NLGN2: variants seen among roughly 807,000 people sequenced by gnomAD.
NLGN2 encodes neuroligin 2.
NLGN2 carries 11 observed loss-of-function variants against 48.6 expected under a neutral mutation model. That is an observed-to-expected ratio of 0.23 (90% confidence interval 0.14 to 0.37). The LOEUF (loss-of-function observed/expected upper bound fraction) is 0.37. Ranked by LOEUF, NLGN2 falls within the 10% of genes least tolerant of loss-of-function variation. The pLI, the probability that NLGN2 is intolerant of heterozygous loss-of-function variation, is 1.00. For missense variants in NLGN2, 801 were observed against 1,225.2 expected (o/e 0.65, Z 5.17); for synonymous variants, 548 against 550.0 (o/e 1.00, Z 0.05).
chr17:7,417,257 GA>G lies in NLGN2; in HGVS notation c.1967del (p.Glu656GlyfsTer21). 1 of 1,557,632 alleles carries G rather than the reference GA, an allele frequency of 6.4e-7. No individual in the cohort carries two copies. The highest frequency in any genetic ancestry group is 8.7e-7 in the Non-Finnish European group (1 of 1,155,032). Reference protein sequence around the residue: ...PATLPPEPEPEPGPRAYDRFP... With the variant: ...PATLPPEPEPXPGPRAYDRFP... Reference sequence around the variant, plus strand: ...CACCCTGCCTCCCGAGCCCGAGCCCGAGCCCGGCCCAAGGGCCTATGACCGC... The same window carrying G: ...CACCCTGCCTCCCGAGCCCGAGCCCGGCCCGGCCCAAGGGCCTATGACCGC... On this transcript the variant is annotated frameshift_variant, in exon 7 of 7. Coordinates refer to ENST00000302926, the MANE Select transcript of NLGN2 (RefSeq NM_020795.4). LOFTEE classifies it low-confidence loss of function (END_TRUNC).
chr17:7,413,390 A>G lies in NLGN2; in HGVS notation c.509-954A>G, dbSNP rs150702956. Among the ~76,000 whole-genome samples the G allele has an allele frequency of 7.0e-3, 1,068 of 152,294 alleles. 10 individuals are homozygous for G. The highest frequency in any genetic ancestry group is 0.034 in the Middle Eastern group (10 of 294). On this transcript the variant is annotated intron_variant, in intron 2 of 6. Transcript: ENST00000302926. This position sits in a 1 kb window ranked among gnomAD's most constrained non-coding sequence, Gnocchi z 4.9. ...CCTGGCTTTGGTTTGCTGAGTATCCAGGCTAGCAGGGAGGGCCAGTGTCAA... is the reference window on the plus strand; with the variant it reads ...CCTGGCTTTGGTTTGCTGAGTATCCGGGCTAGCAGGGAGGGCCAGTGTCAA...
At chr17:7,407,498 C>T (rs1306092270), upstream of NLGN2, among the ~76,000 whole-genome samples, 1 of 152,146 alleles carries the variant, frequency 6.6e-6, no homozygotes, top group Non-Finnish European at 1.5e-5. Context: ...GGGGGTTCAG[C>T]GCCATGAAAT....
intron 2 of NLGN2, among the ~76,000 whole-genome samples, chr17:7,414,085 T>C (rs901016814): frequency 2.0e-5 from 3 of 151,688 alleles, no homozygotes; most frequent in African/African-American, 7.3e-5. Flanking sequence ...ACCCCCAGCC[T>C]CTACGGGGTT....
rs1262633626 is a variant in NLGN2 at position 7,417,601 on chromosome 17, C to A, written c.2310C>A (p.Thr770=). 2.1e-6 allele frequency: 3 copies of A among 1,425,664 alleles called. No individual in the cohort carries two copies. Among genetic ancestry groups the A allele is most frequent in the Admixed American group, 5.7e-5 (2 of 35,396 alleles). The allele number at this position is 1,425,664 out of a possible 1,614,324, so 88.3% of individuals were successfully genotyped here. ...GCCCTGCCTGCCCGCCCGACTACAC[C>A]CTGGCCCTGCGCCGGGCACCGGACG... ...ALRPACPPDY[T]LALRRAPDDV... is the part of the protein sequence containing the mutation. The change falls in exon 7 of 7, where the codon ACC becomes ACA. Residue 770 remains threonine, a synonymous_variant. Coordinates refer to ENST00000302926, the MANE Select transcript of NLGN2 (RefSeq NM_020795.4).
At position 7,411,977 on chromosome 17, in the gene NLGN2, T is replaced by C. The variant is rs925316859; in HGVS notation, c.458-180T>C. The stretch of plus-strand genomic sequence containing the variant: ...ATTGGGTTGTAGAAACGTTTTTCTC[T>C]TTTCTTGGTTTCTTTTTCTTGCAAA... On this transcript the variant is annotated intron_variant, in intron 1 of 6. Transcript: ENST00000302926. This position sits in a 1 kb window ranked among gnomAD's most constrained non-coding sequence, Gnocchi z 4.5. Among the ~76,000 whole-genome samples the C allele has an allele frequency of 2.0e-5, 3 of 150,568 alleles. No individual in the cohort carries two copies. The highest frequency in any genetic ancestry group is 3.0e-5 in the Non-Finnish European group (2 of 67,678).
At position 7,418,485 on chromosome 17, in the gene NLGN2, G is replaced by A. The variant is rs1391288090; in HGVS notation, c.*686G>A. On this transcript the variant is annotated 3_prime_UTR_variant, in exon 7 of 7. Coordinates refer to ENST00000302926, the MANE Select transcript of NLGN2 (RefSeq NM_020795.4). ...GACACAGATTTCCTGCTGGGGGAGG[G>A]AGGAGTCCACGCATCCTGATGCTGC... is the stretch of plus-strand genomic sequence containing the variant. The A allele has an allele frequency of 6.6e-6, 1 of 152,278 alleles. No homozygotes were observed. The highest frequency in any genetic ancestry group is 1.5e-5 in the Non-Finnish European group (1 of 68,092). 9.4% of individuals were successfully genotyped at this position (152,278 alleles called of 1,614,324 possible). A position where few individuals can be genotyped will look rare whatever the true frequency, so the allele number is the denominator to read the frequency against.
Position 7,417,257 on chromosome 17 carries a change from G to C in NLGN2, c.1966G>C (p.Glu656Gln). 6.4e-7 allele frequency: 1 copy of C among 1,557,652 alleles called. No individual in the cohort carries two copies. ...PATLPPEPEP[E>Q]PGPRAYDRFP... ...CACCCTGCCTCCCGAGCCCGAGCCCGAGCCCGGCCCAAGGGCCTATGACCG... is the reference window on the plus strand; with the variant it reads ...CACCCTGCCTCCCGAGCCCGAGCCCCAGCCCGGCCCAAGGGCCTATGACCG... The change falls in exon 7 of 7, where the codon GAG (glutamate) becomes CAG (glutamine). Residue 656 changes from glutamate to glutamine, a missense_variant. Transcript: ENST00000302926.
chr17:7,414,492 C>A lies in NLGN2; in HGVS notation c.657C>A (p.Leu219=). 1 of 1,612,224 alleles carries A rather than the reference C, an allele frequency of 6.2e-7. No homozygotes were observed. Among genetic ancestry groups the A allele is most frequent in the South Asian group, 1.1e-5 (1 of 91,056 alleles). Residue 219 remains leucine (L), a splice_region_variant and synonymous_variant, in exon 3 of 7, where the codon CTC becomes CTA. Coordinates refer to ENST00000302926, the MANE Select transcript of NLGN2 (RefSeq NM_020795.4). ...VATLNYRLGV[L]GFLSTGDQAA... ...CGCTCAACTACCGTCTTGGGGTGCT[C>A]GGTGAGGGTGGGCAGCCAACTCTGG...
In NLGN2 at chr17:7,414,436, C is replaced by T. The variant is rs543645280; in HGVS notation, c.601C>T (p.Leu201=). 2.7e-5 allele frequency: 43 copies of T among 1,614,162 alleles called. No homozygotes were observed. In the East Asian group the frequency reaches 8.9e-4, roughly 33 times the overall value. Residue 201 remains leucine, a synonymous_variant, in exon 3 of 7, where the codon CTG becomes TTG. Coordinates refer to ENST00000302926, the MANE Select transcript of NLGN2 (RefSeq NM_020795.4). ...CGGAAACATGTTCGATGGCTCAGTC[C>T]TGGCTGCCTATGGCAACGTCATTGT... ...GTGNMFDGSV[L]AAYGNVIVAT...
chr17:7,404,842 T>G (rs1906548804), upstream of NLGN2: 2 of 151,812 alleles, frequency 1.3e-5, no homozygotes, highest in African/African-American at 4.8e-5. Flanking sequence ...CGCCGCTCTC[T>G]CGGCAGGGGG....
intron 1 of NLGN2, among the ~76,000 whole-genome samples, chr17:7,410,519 T>C (rs1435772853): frequency 6.6e-6 from 1 of 151,774 alleles, no homozygotes; most frequent in Non-Finnish European, 1.5e-5. Flanking sequence ...AGCACCTCCA[T>C]GTGGGCTGCC....
upstream of NLGN2, among the ~76,000 whole-genome samples, chr17:7,405,999 G>C (rs1248261719): frequency 6.6e-6 from 1 of 152,170 alleles, no homozygotes; most frequent in Non-Finnish European, 1.5e-5. The surrounding 1 kb of genome is among the most constrained non-coding windows in gnomAD (Gnocchi z 6.8). Flanking sequence ...AGAAGGAGGA[G>C]GGAGCAAGAT....
In NLGN2 at chr17:7,418,010, T is replaced by TG; in HGVS notation, c.*217dup. ...CTCTGGATCTGGGCCTTTGAACAAC[T>TG]GGGGGGCGTTTTCTCCCCCCCATTG... is the stretch of plus-strand genomic sequence containing the variant. On this transcript the variant is annotated 3_prime_UTR_variant, in exon 7 of 7. Transcript: ENST00000302926. The TG allele has an allele frequency of 2.7e-6, 1 of 371,394 alleles. No individual in the cohort carries two copies. The allele number at this position is 371,394 out of a possible 1,614,324, so 23.0% of individuals were successfully genotyped here.
At chr17:7,416,236 T>A in intron 6 of NLGN2, 129 bp downstream of exon 6, 1 of 734,474 alleles carries the variant, frequency 1.4e-6, no homozygotes, top group South Asian at 1.6e-5. Flanking sequence ...GACACCTCTG[T>A]GCCAGGCACG....
rs939754729 is a variant in NLGN2 at position 7,418,345 on chromosome 17, G to C, written c.*546G>C. 6.6e-6 allele frequency: 1 copy of C among 151,990 alleles called. No homozygotes were observed. Among genetic ancestry groups the C allele is most frequent in the African/African-American group, 2.4e-5 (1 of 41,270 alleles). 9.4% of individuals were successfully genotyped at this position (151,990 alleles called of 1,614,324 possible). On this transcript the variant is annotated 3_prime_UTR_variant, in exon 7 of 7. Transcript: ENST00000302926. ...GCAGCGAGGAAATCACAGCCCCCTCGCCCCTGCCTCCCTTGCCCCTACCCC... is the reference window on the plus strand; with the variant it reads ...GCAGCGAGGAAATCACAGCCCCCTCCCCCCTGCCTCCCTTGCCCCTACCCC...
In NLGN2 at chr17:7,417,257, G is replaced by A. The variant is rs753026024; in HGVS notation, c.1966G>A (p.Glu656Lys). Residue 656 changes from glutamate (E) to lysine (K), a missense_variant, in exon 7 of 7, where the codon GAG (glutamate) becomes AAG (lysine). By Grantham distance (56) the Glu-to-Lys change is moderately conservative (BLOSUM62 1). Around this residue, in one of 5 missense-constraint regions of NLGN2, gnomAD observed 276 missense variants for 313.9 expected, o/e 0.88. Transcript: ENST00000302926. ...CACCCTGCCTCCCGAGCCCGAGCCC[G>A]AGCCCGGCCCAAGGGCCTATGACCG... ...PATLPPEPEP[E>K]PGPRAYDRFP... 22 of 1,557,534 alleles carry A rather than the reference G, an allele frequency of 1.4e-5. No individual in the cohort carries two copies. The highest frequency in any genetic ancestry group is 1.7e-4 in the Middle Eastern group (1 of 5,832).
chr17:7,414,282 C>T (rs1390071389), intron 2 of NLGN2, 62 bp from the exon 3 acceptor site: 1 of 1,524,658 alleles, frequency 6.6e-7, no homozygotes, highest in Non-Finnish European at 9.0e-7. Flanking sequence ...GCTGCTGCTT[C>T]CGGTCTGACT....
At chr17:7,406,464 CCAGGTGATGGAGGAATAGAGGA>C (rs1906642897), upstream of NLGN2, among the ~76,000 whole-genome samples, 2 of 151,998 alleles carry the variant, frequency 1.3e-5, no homozygotes, top group Non-Finnish European at 2.9e-5. Context: ...CGAGCCACCT[CCAGGTGATGGAGGAATAGAGGA>C]GCCTTAGAGA....
chr17:7,408,197 T>C lies in NLGN2; in HGVS notation c.-59T>C. ...GGGGGCCTCCCTCCCTCTCCCCCCC[T>C]TCTCTCTCTCTCCGAGGGGGGGGGG... On this transcript the variant is annotated 5_prime_UTR_variant, in exon 1 of 7. Coordinates refer to ENST00000302926, the MANE Select transcript of NLGN2 (RefSeq NM_020795.4). This position sits in a 1 kb window ranked among gnomAD's most constrained non-coding sequence, Gnocchi z 7.5. 7.8e-6 allele frequency: 7 copies of C among 901,514 alleles called. No individual in the cohort carries two copies. Among genetic ancestry groups the C allele is most frequent in the Non-Finnish European group, 1.0e-5 (7 of 670,512 alleles). 55.8% of individuals were successfully genotyped at this position (901,514 alleles called of 1,614,324 possible).
Sources: gnomAD v4.1 joint callset for allele counts (sites outside exome capture counted in the v4.1 genomes callset) on GRCh38, gnomAD v4.1.1 for gene constraint, gnomAD v4.1.1 regional missense constraint, Gnocchi (gnomAD v3.1) non-coding constraint, MANE v1.5 for transcripts, NCBI Gene and HGNC (gene_info 2026-07-23, HGNC 2026-07-21) for gene names.